The following UBE2QL1 variants were observed in gnomAD, a reference collection of about 807,000 sequenced individuals.
UBE2QL1 encodes the protein ubiquitin-conjugating enzyme E2Q-like protein 1.
Under a neutral mutation model 12.6 loss-of-function variants are expected in UBE2QL1, and 5 were observed. The ratio of observed to expected loss-of-function variants is 0.40; its 90% CI spans 0.21 to 0.83. The LOEUF (loss-of-function observed/expected upper bound fraction) is 0.83. UBE2QL1 is among the 40% of genes least tolerant of loss of function. The probability of loss-of-function intolerance (pLI) is 0.37; values close to 1 mark genes in which losing one functional copy is unlikely to be tolerated. For missense variants in UBE2QL1, 99 were observed against 222.6 expected (o/e 0.44, Z 3.53); for synonymous variants, 96 against 94.5 (o/e 1.02, Z -0.10).
chr5:6,465,921 A>T (rs558349294), intron 1 of UBE2QL1, among the ~76,000 whole-genome samples: 48 of 152,026 alleles, frequency 3.2e-4, no homozygotes, highest in African/African-American at 1.1e-3. Flanking sequence ...TTCTCCTCTC[A>T]GTGTATTTGC....
chr5:6,457,438 A>G (rs571602280), intron 1 of UBE2QL1, among the ~76,000 whole-genome samples: 2 of 152,220 alleles, frequency 1.3e-5, no homozygotes, highest in East Asian at 1.9e-4. Context: ...CATAATTACA[A>G]CTGTATTGCC....
At chr5:6,472,438 G>A (rs369822507) in intron 1 of UBE2QL1, among the ~76,000 whole-genome samples, 22 of 152,134 alleles carry the variant, frequency 1.4e-4, no homozygotes, top group African/African-American at 5.1e-4. Context: ...ACACTTCCCC[G>A]CAAACACCTG....
intron 1 of UBE2QL1, among the ~76,000 whole-genome samples, chr5:6,462,104 T>C (rs970106088): frequency 6.6e-6 from 1 of 152,140 alleles, no homozygotes; most frequent in Non-Finnish European, 1.5e-5. Flanking sequence ...GACCACCCCA[T>C]GCTGTCTCTG....
intron 1 of UBE2QL1, among the ~76,000 whole-genome samples, chr5:6,483,944 G>A (rs980751260): frequency 2.0e-4 from 30 of 152,318 alleles, no homozygotes; most frequent in Admixed American, 5.2e-4. Flanking sequence ...TTTGGCTTGG[G>A]CGTGAGTCAA....
At chr5:6,491,168 C>T (rs1441686396) in intron 1 of UBE2QL1, 50 bp from the exon 2 acceptor site, 2 of 1,480,634 alleles carry the variant, frequency 1.4e-6, no homozygotes, top group South Asian at 2.8e-5. Flanking sequence ...TGGTAGGAAA[C>T]AGAATTCCCA....
intron 1 of UBE2QL1, among the ~76,000 whole-genome samples, chr5:6,472,256 C>G (rs746967119): frequency 6.6e-6 from 1 of 152,184 alleles, no homozygotes; most frequent in South Asian, 2.1e-4. Flanking sequence ...TGCCAGCAAT[C>G]TCCCACCTCC....
intron 1 of UBE2QL1, among the ~76,000 whole-genome samples, chr5:6,450,832 C>T (rs1470664783): frequency 6.6e-6 from 1 of 152,188 alleles, no homozygotes; most frequent in African/African-American, 2.4e-5. Flanking sequence ...AAAACATCTT[C>T]AGCTGAGGGA....
chr5:6,460,879 T>C (rs1739643766), intron 1 of UBE2QL1, among the ~76,000 whole-genome samples: 1 of 152,230 alleles, frequency 6.6e-6, no homozygotes, highest in East Asian at 1.9e-4. Flanking sequence ...CAATGCCCAC[T>C]TGAAAACTTC....
At chr5:6,458,147 T>C (rs534011086) in intron 1 of UBE2QL1, among the ~76,000 whole-genome samples, 2 of 152,370 alleles carry the variant, frequency 1.3e-5, no homozygotes, top group African/African-American at 2.4e-5. Flanking sequence ...ACATAATTGT[T>C]ACATTGGTAA....
intron 1 of UBE2QL1, among the ~76,000 whole-genome samples, chr5:6,466,010 C>T (rs1191210441): frequency 6.6e-6 from 1 of 152,114 alleles, no homozygotes; most frequent in Non-Finnish European, 1.5e-5. Context: ...CTCACACTCC[C>T]CTTGCACCCT....
chr5:6,463,598 G>GTTGTTATTATTATTATTA (rs1553988055), intron 1 of UBE2QL1, among the ~76,000 whole-genome samples: 1 of 137,308 alleles, frequency 7.3e-6, no homozygotes, highest in Non-Finnish European at 1.6e-5. Flanking sequence ...TATTTGTGCT[G>GTTGTTATTATTATTATTA]TTATTATTAT....
intron 1 of UBE2QL1, among the ~76,000 whole-genome samples, chr5:6,455,820 C>A (rs1030805539): frequency 3.3e-5 from 5 of 152,070 alleles, no homozygotes; most frequent in African/African-American, 1.2e-4. Context: ...CCCCCAACCT[C>A]CCCACCCCAC....
In UBE2QL1 at chr5:6,491,356, C is replaced by T. The variant is rs761954358; in HGVS notation, c.*7C>T. The T allele has an allele frequency of 1.0e-5, 16 of 1,547,728 alleles. No individual in the cohort carries two copies. The highest frequency in any genetic ancestry group is 2.7e-5 in the African/African-American group (2 of 72,858). ...GCCCGTGTCCGACGGCTGATGTCTG[C>T]CACGTGCAGTAGACGCTCGAGCGCC... On this transcript the variant is annotated 3_prime_UTR_variant, in exon 2 of 2. Transcript: ENST00000399816.
chr5:6,456,615 T>C (rs1298608012), intron 1 of UBE2QL1, among the ~76,000 whole-genome samples: 1 of 152,246 alleles, frequency 6.6e-6, no homozygotes, highest in Non-Finnish European at 1.5e-5. Context: ...ATTCATTCAC[T>C]GAGCACTGTA....
chr5:6,489,283 A>G (rs67419605), intron 1 of UBE2QL1, among the ~76,000 whole-genome samples: 29,611 of 151,890 alleles, frequency 0.19, 6,377 homozygotes, highest in African/African-American at 0.53. Flanking sequence ...AATTAGATAA[A>G]TGTGGTGGCT....
At chr5:6,451,734 T>C (rs1247304469) in intron 1 of UBE2QL1, among the ~76,000 whole-genome samples, 1 of 152,258 alleles carries the variant, frequency 6.6e-6, no homozygotes, top group East Asian at 1.9e-4. Context: ...TAGTCATTAA[T>C]GTTTTAGGAT....
At chr5:6,449,678 G>A (rs1426166359) in intron 1 of UBE2QL1, among the ~76,000 whole-genome samples, 1 of 105,530 alleles carries the variant, frequency 9.5e-6, no homozygotes, top group Non-Finnish European at 1.9e-5. Flanking sequence ...TCCCACCCCC[G>A]TTCCTTTTTC....
intron 1 of UBE2QL1, among the ~76,000 whole-genome samples, chr5:6,482,616 A>C (rs1398343014): frequency 6.6e-6 from 1 of 152,168 alleles, no homozygotes; most frequent in East Asian, 1.9e-4. Flanking sequence ...CCACAGGGCT[A>C]TTCAGCCCCC....
At chr5:6,483,400 C>G (rs775843705) in intron 1 of UBE2QL1, among the ~76,000 whole-genome samples, 3 of 151,888 alleles carry the variant, frequency 2.0e-5, no homozygotes, top group Non-Finnish European at 4.4e-5. Context: ...GATCGTGCCA[C>G]TGCACTCCAG....
Sources: gnomAD v4.1 joint callset for allele counts (sites outside exome capture counted in the v4.1 genomes callset) on GRCh38, gnomAD v4.1.1 for gene constraint, MANE v1.5 for transcripts, NCBI Gene and HGNC (gene_info 2026-07-23, HGNC 2026-07-21) for gene names.